KCNK2: variants seen among roughly 807,000 people sequenced by gnomAD.
KCNK2 encodes potassium channel subfamily K member 2.
In KCNK2, 21 loss-of-function variants were observed where a neutral mutation model predicts 40.5. The observed-to-expected ratio is 0.52, with a 90% CI of 0.37 to 0.75. KCNK2 has a LOEUF of 0.75. Among genes scored for constraint, KCNK2 ranks in the 30% least tolerant of loss-of-function variants. The probability of loss-of-function intolerance (pLI) is 0.00; values close to 1 mark genes in which losing one functional copy is unlikely to be tolerated. For missense variants in KCNK2, 399 were observed against 531.6 expected, an observed-to-expected ratio of 0.75 and a Z score of 2.45; for synonymous variants, 191 against 202.2, an observed-to-expected ratio of 0.94 and a Z score of 0.47.
chr1:215,096,508 G>C (rs1571905373), intron 2 of KCNK2, among the ~76,000 whole-genome samples: 1 of 151,910 alleles, frequency 6.6e-6, no homozygotes, highest in African/African-American at 2.4e-5. Flanking sequence ...AATTTTCTAA[G>C]TCTTGCTTTA....
intron 1 of KCNK2, among the ~76,000 whole-genome samples, chr1:215,028,744 T>C (rs1433652533): frequency 6.6e-6 from 1 of 152,178 alleles, no homozygotes; most frequent in Non-Finnish European, 1.5e-5. Flanking sequence ...TATATCTCAT[T>C]AAGATAAAGA....
At chr1:215,175,520 T>C (rs1274250751) in intron 5 of KCNK2, among the ~76,000 whole-genome samples, 1 of 152,058 alleles carries the variant, frequency 6.6e-6, no homozygotes, top group Non-Finnish European at 1.5e-5. Context: ...ATTTTAGATA[T>C]GGTGGTGTAT....
At chr1:215,039,912 TG>T (rs35135412) in intron 1 of KCNK2, among the ~76,000 whole-genome samples, 2 of 151,848 alleles carry the variant, frequency 1.3e-5, no homozygotes, top group East Asian at 3.9e-4. Context: ...TCCGGGAGAG[TG>T]GAATTTCTAC....
At chr1:215,219,206 G>A (rs1164887264) in intron 6 of KCNK2, among the ~76,000 whole-genome samples, 1 of 152,094 alleles carries the variant, frequency 6.6e-6, no homozygotes, top group Non-Finnish European at 1.5e-5. Context: ...GCTGTAAAAC[G>A]TACCTGAGAT....
At chr1:215,126,622 G>T (rs373256807) in intron 3 of KCNK2, among the ~76,000 whole-genome samples, 1 of 152,038 alleles carries the variant, frequency 6.6e-6, no homozygotes, top group Non-Finnish European at 1.5e-5. Flanking sequence ...ACTTACTGTT[G>T]CCCTGTATGT....
At chr1:215,119,065 A>G (rs935854104) in intron 2 of KCNK2, among the ~76,000 whole-genome samples, 2 of 152,190 alleles carry the variant, frequency 1.3e-5, no homozygotes, top group Non-Finnish European at 2.9e-5. Context: ...GCCTACTCTG[A>G]AAGCAGTACA....
In KCNK2 at chr1:215,033,212, T is replaced by C. The variant is rs966372541; in HGVS notation, c.34+27257T>C. Among the ~76,000 whole-genome samples the C allele has an allele frequency of 2.6e-5, 4 of 151,704 alleles. 1 individual carries two copies. Among genetic ancestry groups the C allele is most frequent in the South Asian group, 4.1e-4 (2 of 4,826 alleles). ...CTCTAGCAGTTTCTTTTCTTTTTTT[T>C]TTTTTTGTAGTTATTTCTAAAAAAT... On this transcript the variant is annotated intron_variant, in intron 1 of 6. Coordinates refer to the KCNK2 transcript ENST00000391895.
intron 6 of KCNK2, among the ~76,000 whole-genome samples, chr1:215,216,734 A>G (rs1172339872): frequency 6.6e-6 from 1 of 152,166 alleles, no homozygotes; most frequent in Non-Finnish European, 1.5e-5. Flanking sequence ...GAATAACATA[A>G]AAGTCATGAG....
chr1:215,065,018 G>A (rs779905879), intron 1 of KCNK2, among the ~76,000 whole-genome samples: 17 of 152,124 alleles, frequency 1.1e-4, no homozygotes, highest in Non-Finnish European at 2.4e-4. Context: ...AGTAATACAG[G>A]ATTTAAACGT....
chr1:215,202,563 A>G (rs1297710249), intron 6 of KCNK2, among the ~76,000 whole-genome samples: 3 of 152,194 alleles, frequency 2.0e-5, no homozygotes, highest in Non-Finnish European at 4.4e-5. Flanking sequence ...GTCTCTATGT[A>G]GCCTCAGTAT....
intron 1 of KCNK2, among the ~76,000 whole-genome samples, chr1:215,008,110 TA>T (rs1656249283): frequency 6.6e-6 from 1 of 150,886 alleles, no homozygotes; most frequent in African/African-American, 2.4e-5. Flanking sequence ...ACAGAAGTCC[TA>T]AGTCTTTTTT....
At chr1:215,206,106 C>T (rs1665305485) in intron 6 of KCNK2, among the ~76,000 whole-genome samples, 1 of 152,120 alleles carries the variant, frequency 6.6e-6, no homozygotes, top group Non-Finnish European at 1.5e-5. Context: ...GAGACCAGAT[C>T]CTGTAAAAAG....
intron 1 of KCNK2, among the ~76,000 whole-genome samples, chr1:215,085,910 T>C (rs969821989): frequency 1.3e-5 from 2 of 152,254 alleles, no homozygotes; most frequent in African/African-American, 4.8e-5. Flanking sequence ...AAATAGAGAA[T>C]GTTCTTTATA....
intron 6 of KCNK2, among the ~76,000 whole-genome samples, chr1:215,214,488 T>C (rs2225973): frequency 0.98 from 148,641 of 152,220 alleles, 72,680 homozygotes; most frequent in East Asian, 1. Context: ...GCGTCATATT[T>C]TTGTGTTTAC....
At chr1:215,090,906 G>A (rs567784546) in intron 2 of KCNK2, among the ~76,000 whole-genome samples, 7 of 152,096 alleles carry the variant, frequency 4.6e-5, no homozygotes, top group Non-Finnish European at 7.4e-5. Context: ...TCTCATTTTC[G>A]TTCATCCAGT....
chr1:215,088,501 A>C (rs1659552863), intron 2 of KCNK2, among the ~76,000 whole-genome samples: 3 of 151,350 alleles, frequency 2.0e-5, no homozygotes. Context: ...TTGTCCCTTC[A>C]TTGGATTGTA....
At chr1:215,027,752 A>T (rs1484027389) in intron 1 of KCNK2, among the ~76,000 whole-genome samples, 1 of 152,222 alleles carries the variant, frequency 6.6e-6, no homozygotes, top group Non-Finnish European at 1.5e-5. Flanking sequence ...TCTGTAGTAT[A>T]GATAGGATGA....
At chr1:215,023,844 C>T (rs150010157) in intron 1 of KCNK2, among the ~76,000 whole-genome samples, 170 of 152,304 alleles carry the variant, frequency 1.1e-3, no homozygotes, top group Admixed American at 2.1e-3. Context: ...ATGTGTCCAA[C>T]CTAAATCCTA....
At chr1:215,065,270 T>C (rs17606405) in intron 1 of KCNK2, among the ~76,000 whole-genome samples, 3,175 of 152,332 alleles carry the variant, frequency 0.021, 50 homozygotes, top group Middle Eastern at 0.088. Flanking sequence ...TTTTATCTGG[T>C]TTCAAAGTTT....
Sources: gnomAD v4.1 joint callset for allele counts (sites outside exome capture counted in the v4.1 genomes callset) on GRCh38, gnomAD v4.1.1 for gene constraint, MANE v1.5 for transcripts, NCBI Gene and HGNC (gene_info 2026-07-23, HGNC 2026-07-21) for gene names.